FAT1: variants seen among roughly 807,000 people sequenced by gnomAD.
FAT1 encodes protocadherin Fat 1.
In FAT1, 171 loss-of-function variants were observed where a neutral mutation model predicts 329.8. That is an observed-to-expected ratio of 0.52 (90% CI 0.46 to 0.59). FAT1 has a LOEUF of 0.59. Among genes scored for constraint, FAT1 ranks in the 20% least tolerant of loss-of-function variants. The pLI is 0.00. For synonymous variants in FAT1, 2,233 were observed against 2,228.6 expected (o/e 1.00, Z -0.06); for missense variants, 5,672 against 5,774.4 (o/e 0.98, Z 0.57).
intron 16 of FAT1, among the ~76,000 whole-genome samples, chr4:186,607,554 G>A (rs868666752): frequency 2.0e-5 from 3 of 152,000 alleles, no homozygotes; most frequent in Non-Finnish European, 4.4e-5. Context: ...TGGATAACTG[G>A]ATAGATGGGT....
intron 2 of FAT1, among the ~76,000 whole-genome samples, chr4:186,678,968 G>A (rs983692995): frequency 1.3e-5 from 2 of 152,088 alleles, no homozygotes; most frequent in Non-Finnish European, 2.9e-5. Flanking sequence ...TGATAGACTA[G>A]ATAAAGAAAA....
rs376922855 is a variant in FAT1 at position 186,588,602 on chromosome 4, G to A, written c.13757C>T (p.Thr4586Met). The change falls in exon 27 of 27, where the codon ACG becomes ATG. Residue 4586 changes from threonine (T) to methionine (M), a missense_variant. Coordinates refer to ENST00000441802, the MANE Select transcript of FAT1 (RefSeq NM_005245.4). ...GGGGGGAGTTGAGAGTCAGACTTCC[G>A]TGTGCTGCTGGGAATCCAGGGGCGG... ...TIPPLDSQQHTEV is the reference protein window; with the variant it reads ...TIPPLDSQQHMEV The A allele has an allele frequency of 4.8e-5, 78 of 1,610,256 alleles. No individual in the cohort carries two copies. Among genetic ancestry groups the A allele is most frequent in the South Asian group, 4.2e-4 (38 of 90,544 alleles).
Position 186,636,606 on chromosome 4 carries a change from A to G in FAT1, c.3951T>C (p.Ala1317=). 3 of 1,611,684 alleles carry G rather than the reference A, an allele frequency of 1.9e-6. No individual in the cohort carries two copies. The highest frequency in any genetic ancestry group is 1.7e-6 in the Non-Finnish European group (2 of 1,178,752). The change falls in exon 5 of 27, where the codon GCT becomes GCC. Residue 1317 remains alanine (A), a synonymous_variant. Coordinates refer to ENST00000441802, the MANE Select transcript of FAT1 (RefSeq NM_005245.4). ...TCACTGAAAGAATATCATATTCTCC[A>G]GCTGCTGAAAACCTCTTGGACGAAA... The part of the protein sequence containing the change: ...GVVSSKRFSA[A]GEYDILSIKA...
intron 2 of FAT1, among the ~76,000 whole-genome samples, chr4:186,693,394 G>A (rs1206152214): frequency 1.4e-5 from 2 of 145,606 alleles, no homozygotes. Flanking sequence ...GTCACAGCAC[G>A]TGGGAGATGA....
At chr4:186,721,848 TTCTTC>T (rs1287580324) in intron 1 of FAT1, among the ~76,000 whole-genome samples, 2 of 152,174 alleles carry the variant, frequency 1.3e-5, no homozygotes, top group African/African-American at 4.8e-5. Context: ...TTAAAGATTT[TTCTTC>T]TCTTCTTTTT....
chr4:186,661,636 T>C (rs1742177111), intron 3 of FAT1, among the ~76,000 whole-genome samples: 1 of 152,204 alleles, frequency 6.6e-6, no homozygotes, highest in South Asian at 2.1e-4. Flanking sequence ...TCTCTTCATC[T>C]GGCTGTTTAT....
At chr4:186,639,875 G>C in intron 3 of FAT1, 92 bp from the exon 4 acceptor site, 1 of 1,080,006 alleles carries the variant, frequency 9.3e-7, no homozygotes, top group Admixed American at 1.8e-5. Context: ...AGGTGCGGTA[G>C]CTCATGCCTT....
At chr4:186,696,993 G>A (rs1324393625) in intron 2 of FAT1, among the ~76,000 whole-genome samples, 4 of 152,246 alleles carry the variant, frequency 2.6e-5, no homozygotes, top group East Asian at 1.9e-4. Flanking sequence ...ACTGCAACTC[G>A]ACTCTGGCCT....
In FAT1 at chr4:186,598,014, C is replaced by T. The variant is rs367812758; in HGVS notation, c.12215G>A (p.Gly4072Glu). 6.2e-7 allele frequency: 1 copy of T among 1,613,482 alleles called. No homozygotes were observed. Among genetic ancestry groups the T allele is most frequent in the South Asian group, 1.1e-5 (1 of 90,896 alleles). Residue 4072 changes from glycine (G) to glutamate (E), a missense_variant, in exon 23 of 27, where the codon GGA (glycine) becomes GAA (glutamate). This residue lies in a region of FAT1 where 1,706 missense variants were observed against 1,859.1 expected (regional missense o/e 0.92). Coordinates refer to ENST00000441802, the MANE Select transcript of FAT1 (RefSeq NM_005245.4). Reference sequence around the variant, plus strand: ...TCCTCTACACTGGCAAACAAAGCCTCCGTTGTCGACAACACACGTGCCCCC... The same window carrying T: ...TCCTCTACACTGGCAAACAAAGCCTTCGTTGTCGACAACACACGTGCCCCC... ...LYGGTCVVDN[G>E]GFVCQCRGLY...
At chr4:186,617,290 T>C (rs928440960) in intron 10 of FAT1, 89 bp from the exon 11 acceptor site, 222 of 919,286 alleles carry the variant, frequency 2.4e-4, no homozygotes, top group Non-Finnish European at 2.4e-4. Flanking sequence ...AAAAGATGTA[T>C]AATGTTATAG....
intron 14 of FAT1, 72 bp downstream of exon 14, chr4:186,611,314 G>C: frequency 4.3e-6 from 6 of 1,409,158 alleles, no homozygotes; most frequent in Non-Finnish European, 5.8e-6. Context: ...CTTAATACAA[G>C]GCAACGTGGT....
intron 17 of FAT1, 47 bp from the exon 18 acceptor site, chr4:186,604,621 C>T (rs1158519409): frequency 4.5e-6 from 6 of 1,330,044 alleles, no homozygotes; most frequent in Admixed American, 4.2e-5. Context: ...TGGAACACAG[C>T]CAAATCTATA....
chr4:186,695,315 G>C (rs1022173446), intron 2 of FAT1, among the ~76,000 whole-genome samples: 6 of 152,164 alleles, frequency 3.9e-5, no homozygotes, highest in African/African-American at 1.4e-4. Flanking sequence ...TATTCACCTG[G>C]AAGGCCAGCC....
At chr4:186,689,717 C>A (rs76631647) in intron 2 of FAT1, among the ~76,000 whole-genome samples, 1 of 152,224 alleles carries the variant, frequency 6.6e-6, no homozygotes, top group Non-Finnish European at 1.5e-5. Flanking sequence ...CACCCACCCA[C>A]ACCAGGCTAA....
Position 186,588,662 on chromosome 4 carries a change from C to T in FAT1, c.13697G>A (p.Ser4566Asn). ...CTCTTCGAAGTGGCCGTCGTCCCCG[C>T]TCTCATAGTCACTCATCATGACCTC... ...ESEVMMSDYE[S>N]GDDGHFEEVT... Residue 4566 changes from serine to asparagine, a missense_variant, in exon 27 of 27, where the codon AGC (serine) becomes AAC (asparagine). Ser to Asn is a conservative substitution (Grantham distance 46, BLOSUM62 1). Coordinates refer to ENST00000441802, the MANE Select transcript of FAT1 (RefSeq NM_005245.4). 1.2e-6 allele frequency: 2 copies of T among 1,613,974 alleles called. No individual in the cohort carries two copies. Among genetic ancestry groups the T allele is most frequent in the Non-Finnish European group, 1.7e-6 (2 of 1,179,902 alleles).
chr4:186,702,098 T>A (rs1379556873), intron 2 of FAT1, among the ~76,000 whole-genome samples: 1 of 152,018 alleles, frequency 6.6e-6, no homozygotes, highest in Non-Finnish European at 1.5e-5. Context: ...GACACAGACA[T>A]GAGGCCAGGA....
intron 3 of FAT1, among the ~76,000 whole-genome samples, chr4:186,651,280 C>T (rs189541240): frequency 5.3e-5 from 8 of 152,122 alleles, no homozygotes; most frequent in African/African-American, 4.8e-5. Flanking sequence ...TTCTAGTCTA[C>T]GGATCTGTAC....
rs766119544 is a variant in FAT1 at position 186,614,252 on chromosome 4, A to G, written c.9168T>C (p.Ala3056=). Residue 3056 remains alanine, a synonymous_variant, in exon 12 of 27, where the codon GCT becomes GCC. Coordinates refer to ENST00000441802, the MANE Select transcript of FAT1 (RefSeq NM_005245.4). ...SATDADIRSN[A]EITYTLLGSG... ...AACCCAATAACGTGTAAGTAATTTC[A>G]GCGTTAGAGCGGATGTCTGCGTCTG... is the stretch of plus-strand genomic sequence containing the variant. 3 of 1,602,450 alleles carry G rather than the reference A, an allele frequency of 1.9e-6. No homozygotes were observed. Among genetic ancestry groups the G allele is most frequent in the South Asian group, 2.3e-5 (2 of 88,210 alleles).
chr4:186,711,997 G>A (rs898168485), intron 1 of FAT1, among the ~76,000 whole-genome samples: 1 of 151,680 alleles, frequency 6.6e-6, no homozygotes, highest in African/African-American at 2.4e-5. Flanking sequence ...GTCACATTAT[G>A]TTTTAGGAGA....
Sources: gnomAD v4.1 joint callset for allele counts (sites outside exome capture counted in the v4.1 genomes callset) on GRCh38, gnomAD v4.1.1 for gene constraint, gnomAD v4.1.1 regional missense constraint, MANE v1.5 for transcripts, NCBI Gene and HGNC (gene_info 2026-07-23, HGNC 2026-07-21) for gene names.